NFIB: variants seen among roughly 807,000 people sequenced by gnomAD.
NFIB encodes the protein nuclear factor I B.
Under a neutral mutation model 61.5 loss-of-function variants are expected in NFIB, and 11 were observed. The ratio of observed to expected loss-of-function variants is 0.18; its 90% confidence interval spans 0.11 to 0.30. NFIB has a LOEUF of 0.30. Among genes scored for constraint, NFIB ranks in the 10% least tolerant of loss-of-function variants. The pLI is 1.00. For missense variants in NFIB, 471 were observed against 608.9 expected, an observed-to-expected ratio of 0.77 and a Z score of 2.38; for synonymous variants, 260 against 216.5, an observed-to-expected ratio of 1.20 and a Z score of -1.76.
At chr9:14,188,659 T>C (rs958431970) in intron 2 of NFIB, among the ~76,000 whole-genome samples, 2 of 152,204 alleles carry the variant, frequency 1.3e-5, no homozygotes, top group African/African-American at 2.4e-5. Context: ...CTGCGTACTT[T>C]GAGGAACAAT....
At chr9:14,388,367 A>AGAAGGAAG (rs55755915) in intron 1 of NFIB, among the ~76,000 whole-genome samples, 67 of 131,910 alleles carry the variant, frequency 5.1e-4, no homozygotes, top group Middle Eastern at 3.7e-3. Flanking sequence ...AGAGAAAGAA[A>AGAAGGAAG]GAAGGAAGGA....
At chr9:14,266,513 C>T (rs377376319) in intron 2 of NFIB, among the ~76,000 whole-genome samples, 20 of 151,994 alleles carry the variant, frequency 1.3e-4, no homozygotes, top group African/African-American at 3.9e-4. Context: ...GAGGATTTCA[C>T]GAGCCAGGGA....
At chr9:14,175,598 T>C (rs2046099612) in intron 3 of NFIB, among the ~76,000 whole-genome samples, 1 of 152,226 alleles carries the variant, frequency 6.6e-6, no homozygotes, top group South Asian at 2.1e-4. Flanking sequence ...ATAAGGTGGC[T>C]TACTTGAGGT....
chr9:14,530,591 C>T, the NFIB span, among the ~76,000 whole-genome samples: 1 of 152,110 alleles, frequency 6.6e-6, no homozygotes, highest in South Asian at 2.1e-4. Context: ...CTTCCCTGAA[C>T]GTTGAGCTTT....
intron 1 of NFIB, among the ~76,000 whole-genome samples, chr9:14,338,220 C>G (rs1244157632): frequency 6.6e-6 from 1 of 152,020 alleles, no homozygotes; most frequent in Non-Finnish European, 1.5e-5. Flanking sequence ...CGGTGAAACC[C>G]CATCTCTACT....
At chr9:14,384,192 C>G (rs1322633661) in intron 1 of NFIB, among the ~76,000 whole-genome samples, 1 of 152,198 alleles carries the variant, frequency 6.6e-6, no homozygotes, top group East Asian at 1.9e-4. Context: ...TCTCATCTTT[C>G]TCGCAGCAAC....
At chr9:14,135,990 T>C (rs1175761733) in intron 6 of NFIB, among the ~76,000 whole-genome samples, 2 of 152,180 alleles carry the variant, frequency 1.3e-5, no homozygotes, top group East Asian at 3.8e-4. Context: ...TTAAGTAGCA[T>C]GTTCCTACAA....
chr9:14,499,739 T>G, the NFIB span, among the ~76,000 whole-genome samples: 5 of 152,138 alleles, frequency 3.3e-5, no homozygotes, highest in Non-Finnish European at 5.9e-5. Flanking sequence ...TCTCATGCCT[T>G]CCAACTAACT....
At chr9:14,462,920 T>G in the NFIB span, among the ~76,000 whole-genome samples, 9 of 152,356 alleles carry the variant, frequency 5.9e-5, no homozygotes, top group East Asian at 1.7e-3. Context: ...CAATGTCACA[T>G]TCATTTGTTT....
the NFIB span, among the ~76,000 whole-genome samples, chr9:14,500,940 G>C: frequency 3.3e-5 from 5 of 152,266 alleles, no homozygotes; most frequent in South Asian, 1.0e-3. Context: ...CAAAAGAAGC[G>C]AGAAATTCAG....
At chr9:14,329,086 C>T (rs1378848787) in intron 1 of NFIB, among the ~76,000 whole-genome samples, 2 of 152,170 alleles carry the variant, frequency 1.3e-5, no homozygotes, top group Non-Finnish European at 2.9e-5. Flanking sequence ...TATTGGCCTG[C>T]TTTCCTCACT....
intron 2 of NFIB, among the ~76,000 whole-genome samples, chr9:14,240,887 T>C (rs2054274840): frequency 6.6e-6 from 1 of 152,192 alleles, no homozygotes; most frequent in South Asian, 2.1e-4. Context: ...GAAGTAGCAT[T>C]GGCAAGTGAC....
At chr9:14,195,051 G>A (rs1296024817) in intron 2 of NFIB, among the ~76,000 whole-genome samples, 1 of 151,900 alleles carries the variant, frequency 6.6e-6, no homozygotes, top group Non-Finnish European at 1.5e-5. Context: ...ATTCTTCTAG[G>A]CTTGCTTAAG....
At chr9:14,459,458 T>C in the NFIB span, among the ~76,000 whole-genome samples, 9 of 152,008 alleles carry the variant, frequency 5.9e-5, no homozygotes, top group Admixed American at 2.6e-4. Flanking sequence ...TAGGCATGGG[T>C]AAGGACTTCA....
In NFIB at chr9:14,083,901, A is replaced by G. The variant is rs983156154; in HGVS notation, c.*4408T>C. 5.8e-5 allele frequency: 13 copies of G among 224,336 alleles called. No homozygotes were observed. The East Asian group carries it at 8.4e-4, about 15-fold the overall frequency. 13.9% of individuals were successfully genotyped at this position (224,336 alleles called of 1,614,324 possible). On this transcript the variant is annotated 3_prime_UTR_variant, in exon 11 of 11. Transcript: ENST00000380953. ...CTATCCTGAATGCTCTGTGAAACTT[A>G]ACCTTAAATACCATCACGTAACAAT... is the stretch of plus-strand genomic sequence containing the variant.
intron 2 of NFIB, among the ~76,000 whole-genome samples, chr9:14,220,771 G>C (rs1587710741): frequency 6.6e-6 from 1 of 150,740 alleles, no homozygotes; most frequent in African/African-American, 2.4e-5. Context: ...GAACTGCAAA[G>C]AATCAGCCCA....
chr9:14,223,741 T>A (rs2052007664), intron 2 of NFIB, among the ~76,000 whole-genome samples: 1 of 152,186 alleles, frequency 6.6e-6, no homozygotes, highest in Non-Finnish European at 1.5e-5. Flanking sequence ...AGAAAAATCT[T>A]ATCAGCTCTA....
In NFIB at chr9:14,125,667, T is replaced by G. The variant is rs751902810; in HGVS notation, c.1025A>C (p.His342Pro). ...AACTCCAGGTATTCCGGGATGGTGGTGCTGGGGGAAAGTGCTCAGTCTTGG... is the reference window on the plus strand; with the variant it reads ...AACTCCAGGTATTCCGGGATGGTGGGGCTGGGGGAAAGTGCTCAGTCTTGG... ...SSPRLSTFPQ[H>P]HHPGIPGVAH... The change falls in exon 7 of 11, where the codon CAC becomes CCC. Residue 342 changes from histidine to proline, a missense_variant. His to Pro is a moderately conservative substitution (Grantham distance 77). This residue lies in a region of NFIB where 372 missense variants were observed against 395.6 expected (regional missense o/e 0.94). Coordinates refer to ENST00000380953, the MANE Select transcript of NFIB (RefSeq NM_001190737.2). The G allele has an allele frequency of 1.2e-6, 2 of 1,614,148 alleles. No homozygotes were observed. The highest frequency in any genetic ancestry group is 2.2e-5 in the South Asian group (2 of 91,090).
chr9:14,256,801 C>T (rs1204691846), intron 2 of NFIB, among the ~76,000 whole-genome samples: 1 of 152,186 alleles, frequency 6.6e-6, no homozygotes, highest in Non-Finnish European at 1.5e-5. Context: ...CAGAGGTCCT[C>T]TGCAGAACTT....
Sources: gnomAD v4.1 joint callset for allele counts (sites outside exome capture counted in the v4.1 genomes callset) on GRCh38, gnomAD v4.1.1 for gene constraint, gnomAD v4.1.1 regional missense constraint, MANE v1.5 for transcripts, NCBI Gene and HGNC (gene_info 2026-07-23, HGNC 2026-07-21) for gene names.